AFF4: variants seen among roughly 807,000 people sequenced by gnomAD.
The protein encoded by AFF4 is ALF transcription elongation factor 4, also known as AF4/FMR2 family member 4.
Under a neutral mutation model 124.8 loss-of-function variants are expected in AFF4, and 13 were observed. That is an observed-to-expected ratio of 0.10 (90% CI 0.07 to 0.17). The LOEUF (loss-of-function observed/expected upper bound fraction) is 0.17, where lower values mean the gene tolerates loss of function less well. Among genes scored for constraint, AFF4 ranks in the 10% least tolerant of loss-of-function variants. The pLI is 1.00. For synonymous variants in AFF4, 477 were observed against 496.1 expected (o/e 0.96, Z 0.51); for missense variants, 1,092 against 1,403.8 (o/e 0.78, Z 3.55).
Position 132,899,574 on chromosome 5 carries a change from A to G in AFF4, c.1188+13T>C. Reference sequence around the variant, plus strand: ...TATATGAGACTGGCAAAATAATACAATAGTAGACACACCTGTTCCCCATCA... The same window carrying G: ...TATATGAGACTGGCAAAATAATACAGTAGTAGACACACCTGTTCCCCATCA... On this transcript the variant is annotated intron_variant, in intron 8 of 20. Coordinates refer to ENST00000265343, the MANE Select transcript of AFF4 (RefSeq NM_014423.4). 1 of 1,608,114 alleles carries G rather than the reference A, an allele frequency of 6.2e-7. No homozygotes were observed. Among genetic ancestry groups the G allele is most frequent in the South Asian group, 1.1e-5 (1 of 90,272 alleles).
chr5:132,898,170 T>A (rs1207921558), intron 10 of AFF4, 60 bp downstream of exon 10: 1 of 1,573,388 alleles, frequency 6.4e-7, no homozygotes, highest in Non-Finnish European at 8.6e-7. Context: ...AGGTTTTAAA[T>A]GGACATCACC....
chr5:132,895,273 G>A (rs1760360415), intron 11 of AFF4, among the ~76,000 whole-genome samples: 1 of 152,032 alleles, frequency 6.6e-6, no homozygotes, highest in South Asian at 2.1e-4. Context: ...TAAATAATGT[G>A]GACAATTTCA....
chr5:132,898,044 T>C (rs542454088), intron 10 of AFF4, among the ~76,000 whole-genome samples, 186 bp downstream of exon 10: 1 of 152,344 alleles, frequency 6.6e-6, no homozygotes, highest in Admixed American at 6.5e-5. Context: ...GTTCCTAATC[T>C]AGACCGAATT....
chr5:132,885,941 T>G (rs1407679687), intron 18 of AFF4, among the ~76,000 whole-genome samples: 3 of 152,004 alleles, frequency 2.0e-5, no homozygotes, highest in African/African-American at 7.3e-5. Flanking sequence ...GCCTGGCTAA[T>G]TTTTGTATAT....
Position 132,885,103 on chromosome 5 carries a change from G to C in AFF4, c.3116C>G (p.Ser1039Cys). 6.3e-7 allele frequency: 1 copy of C among 1,595,520 alleles called. No individual in the cohort carries two copies. The highest frequency in any genetic ancestry group is 8.5e-7 in the Non-Finnish European group (1 of 1,172,034). ...TEHLKNSYNN[S>C]QAPSPGLGSK... ...TCCCAAGCCAGGCGATGGTGCTTGA[G>C]AATTATTATAAGAATTCTGTGGAAA... The change falls in exon 19 of 21, where the codon TCT (serine) becomes TGT (cysteine). Residue 1039 changes from serine to cysteine, a missense_variant. Transcript: ENST00000265343.
intron 1 of AFF4, among the ~76,000 whole-genome samples, chr5:132,959,427 A>G (rs1265413000): frequency 1.3e-5 from 2 of 152,030 alleles, no homozygotes; most frequent in African/African-American, 4.8e-5. Flanking sequence ...GCAAGGTTAC[A>G]GATTTTTTTA....
In AFF4 at chr5:132,879,549, G is replaced by T. The variant is rs114873524; in HGVS notation, c.*1510C>A. Reference sequence around the variant, plus strand: ...GAAAGAATTGAACATTATTATTGTAGAAGACCAATCATGTATGGACGATCT... The same window carrying T: ...GAAAGAATTGAACATTATTATTGTATAAGACCAATCATGTATGGACGATCT... On this transcript the variant is annotated 3_prime_UTR_variant, in exon 21 of 21. Transcript: ENST00000265343. The T allele has an allele frequency of 4.9e-6, 1 of 204,708 alleles. No homozygotes were observed. The highest frequency in any genetic ancestry group is 1.0e-5 in the Non-Finnish European group (1 of 99,758). The allele number at this position is 204,708 out of a possible 1,614,324, so 12.7% of individuals were successfully genotyped here. A position where few individuals can be genotyped will look rare whatever the true frequency, so the allele number is the denominator to read the frequency against.
chr5:132,908,776 A>AT (rs386405007), intron 5 of AFF4, among the ~76,000 whole-genome samples: 9,759 of 114,726 alleles, frequency 0.085, 881 homozygotes, highest in African/African-American at 0.21. Flanking sequence ...ATATATATAT[A>AT]TTTTTTTTTT....
At chr5:132,921,279 C>T (rs1371007943) in intron 5 of AFF4, among the ~76,000 whole-genome samples, 2 of 151,994 alleles carry the variant, frequency 1.3e-5, no homozygotes, top group African/African-American at 4.8e-5. Context: ...TACTCTGTCT[C>T]TAGAGAAATG....
rs202185420 is a variant in AFF4, at chr5:132,899,087, A to T, written c.1226+17T>A. The T allele has an allele frequency of 2.2e-5, 36 of 1,611,226 alleles. No individual in the cohort carries two copies. Among genetic ancestry groups the T allele is most frequent in the Non-Finnish European group, 3.0e-5 (35 of 1,177,812 alleles). ...CCCAACTCTTACCAATAAAACAGAA[A>T]AGAAAAGGATGCCCACCTTCCTGGT... On this transcript the variant is annotated intron_variant, in intron 9 of 20. Coordinates refer to ENST00000265343, the MANE Select transcript of AFF4 (RefSeq NM_014423.4).
chr5:132,883,729 A>C (rs1309916200), intron 19 of AFF4, among the ~76,000 whole-genome samples, 169 bp from the exon 20 acceptor site: 1 of 152,202 alleles, frequency 6.6e-6, no homozygotes, highest in East Asian at 1.9e-4. Context: ...TAATCTTGTA[A>C]TTCATAATCT....
chr5:132,918,974 C>T (rs1187949443), intron 5 of AFF4, among the ~76,000 whole-genome samples: 3 of 151,602 alleles, frequency 2.0e-5, no homozygotes, highest in Non-Finnish European at 4.4e-5. Flanking sequence ...ACTGCAACCT[C>T]TGCCTCCCAG....
chr5:132,909,646 G>T (rs867727622), intron 5 of AFF4, among the ~76,000 whole-genome samples: 2 of 152,188 alleles, frequency 1.3e-5, no homozygotes, highest in Non-Finnish European at 1.5e-5. Context: ...CTATGTTAGT[G>T]TAAAAAATAT....
chr5:132,924,010 C>G (rs1248321009), intron 5 of AFF4, among the ~76,000 whole-genome samples: 1 of 151,430 alleles, frequency 6.6e-6, no homozygotes, highest in Non-Finnish European at 1.5e-5. Flanking sequence ...GATCCCAGCA[C>G]TTTGGGAGGC....
chr5:132,898,496 T>G, intron 9 of AFF4, 104 bp from the exon 10 acceptor site: 1 of 1,254,258 alleles, frequency 8.0e-7, no homozygotes, highest in Non-Finnish European at 1.1e-6. Flanking sequence ...TTGTCTTTTT[T>G]TTTTTTAGAC....
intron 6 of AFF4, among the ~76,000 whole-genome samples, chr5:132,903,247 T>C (rs1174450696): frequency 2.0e-5 from 3 of 149,196 alleles, no homozygotes; most frequent in Non-Finnish European, 4.5e-5. Context: ...CAAATCCCTT[T>C]TTCCTGTAAG....
rs1401230086 is a variant in AFF4, at chr5:132,883,470, T to C, written c.3234A>G (p.Ala1078=). The C allele has an allele frequency of 6.2e-7, 1 of 1,614,076 alleles. No individual in the cohort carries two copies. Among genetic ancestry groups the C allele is most frequent in the Non-Finnish European group, 8.5e-7 (1 of 1,180,010 alleles). Residue 1078 remains alanine, a synonymous_variant, in exon 20 of 21, where the codon GCA becomes GCG. Transcript: ENST00000265343. ...GTGGAATGGTCACTGAAGAACCACTTGCAGAAGCACTACTGGCCCCAGATG... is the reference window on the plus strand; with the variant it reads ...GTGGAATGGTCACTGAAGAACCACTCGCAGAAGCACTACTGGCCCCAGATG... The part of the protein sequence containing the change: ...NYSSGASSAS[A]SGSSVTIPQK...
Position 132,880,727 on chromosome 5 carries a change from A to G in AFF4, c.*332T>C, listed in dbSNP as rs1455052529. The G allele has an allele frequency of 2.1e-5, 6 of 290,436 alleles. No individual in the cohort carries two copies. Among genetic ancestry groups the G allele is most frequent in the African/African-American group, 1.3e-4 (6 of 46,846 alleles). 18.0% of individuals were successfully genotyped at this position (290,436 alleles called of 1,614,324 possible). On this transcript the variant is annotated 3_prime_UTR_variant, in exon 21 of 21. Transcript: ENST00000265343. ...AATAACTAAGTCTTAAACTAGCCCC[A>G]ATCTGGGAACTTAAAAAAATTAAAA... is the stretch of plus-strand genomic sequence containing the variant.
intron 11 of AFF4, among the ~76,000 whole-genome samples, chr5:132,893,649 T>G (rs1010488224): frequency 6.6e-6 from 1 of 152,064 alleles, no homozygotes; most frequent in Non-Finnish European, 1.5e-5. Flanking sequence ...TCCCAGCTAA[T>G]TTTTTGTATT....
Sources: gnomAD v4.1 joint callset for allele counts (sites outside exome capture counted in the v4.1 genomes callset) on GRCh38, gnomAD v4.1.1 for gene constraint, MANE v1.5 for transcripts, NCBI Gene and HGNC (gene_info 2026-07-23, HGNC 2026-07-21) for gene names.